The following BTK variants were observed in gnomAD, a reference collection of about 807,000 sequenced individuals.
BTK encodes the protein tyrosine-protein kinase BTK.
Under a neutral mutation model 57.4 loss-of-function variants are expected in BTK, and 5 were observed. The ratio of observed to expected loss-of-function variants is 0.09; its 90% CI spans 0.05 to 0.18. The LOEUF is 0.18. Ranked by LOEUF, BTK falls within the 10% of genes least tolerant of loss-of-function variation. The pLI is 1.00. For synonymous variants in BTK, 154 were observed against 174.3 expected (o/e 0.88, Z 0.92); for missense variants, 194 against 501.2 (o/e 0.39, Z 5.85).
intron 16 of BTK, 41 bp downstream of exon 16, chrX:101,354,589 A>G: frequency 8.5e-7 from 1 of 1,183,163 alleles, no homozygotes; most frequent in Non-Finnish European, 1.2e-6. Flanking sequence ...ATACTGTGCT[A>G]TTTTTACTTC....
At chrX:101,363,904 T>C (rs1384857243) in intron 5 of BTK, among the ~76,000 whole-genome samples, 1 of 96,012 alleles carries the variant, frequency 1.0e-5, no homozygotes, top group Non-Finnish European at 2.1e-5. Flanking sequence ...ATTATTATTA[T>C]TATTATTATT....
chrX:101,382,881 G>A (rs184044719), intron 1 of BTK, among the ~76,000 whole-genome samples: 72 of 110,856 alleles, frequency 6.5e-4, no homozygotes, highest in Middle Eastern at 4.6e-3. Flanking sequence ...AATAACACAC[G>A]CAGCTGGGTG....
intron 3 of BTK, 87 bp from the exon 4 acceptor site, chrX:101,371,788 C>A: frequency 1.3e-6 from 1 of 790,670 alleles, no homozygotes; most frequent in Non-Finnish European, 1.9e-6. Context: ...TTTGCTGTGG[C>A]TTCAGAAGTT....
At chrX:101,379,330 T>C (rs1927333976) in intron 1 of BTK, among the ~76,000 whole-genome samples, 1 of 111,490 alleles carries the variant, frequency 9.0e-6, no homozygotes, top group Admixed American at 9.5e-5. Flanking sequence ...ATCCAAGAAG[T>C]AGTGTTTTCT....
rs1926693519 is a variant in BTK at position 101,362,200 on chromosome X, A to G, written c.561T>C (p.Pro187=). ...GGTCCTCCTCAGGCGTTGGGGGAAG[A>G]GGCTTTTTTGTCTTCCGGTGAGAAC... is the stretch of plus-strand genomic sequence containing the variant. ...PGSSHRKTKK[P]LPPTPEEDQI... is the part of the protein sequence containing the mutation. The change falls in exon 7 of 19, where the codon CCT becomes CCC. Residue 187 remains proline, a synonymous_variant. Transcript: ENST00000308731. 2 of 1,211,990 alleles carry G rather than the reference A, an allele frequency of 1.7e-6. No homozygotes were observed. Among genetic ancestry groups the G allele is most frequent in the Non-Finnish European group, 1.1e-6 (1 of 895,559 alleles).
intron 3 of BTK, among the ~76,000 whole-genome samples, chrX:101,373,325 T>TG (rs1479028383): frequency 4.5e-5 from 5 of 112,107 alleles, no homozygotes; most frequent in African/African-American, 1.6e-4. Flanking sequence ...GTATGCAAGA[T>TG]TGTTCCTCTC....
At chrX:101,381,600 A>G (rs1426303797) in intron 1 of BTK, among the ~76,000 whole-genome samples, 1 of 108,464 alleles carries the variant, frequency 9.2e-6, no homozygotes, top group African/African-American at 3.4e-5. Context: ...TATGTACTCC[A>G]AAATCTTAGT....
intron 1 of BTK, among the ~76,000 whole-genome samples, chrX:101,379,498 C>G (rs1377481514): frequency 8.9e-6 from 1 of 112,367 alleles, no homozygotes; most frequent in Non-Finnish European, 1.9e-5. Flanking sequence ...TCACAACAAA[C>G]AGATGAGGAA....
At chrX:101,390,068 A>G (rs1487352316), upstream of BTK, among the ~76,000 whole-genome samples, 1 of 112,057 alleles carries the variant, frequency 8.9e-6, no homozygotes, top group African/African-American at 3.2e-5. Context: ...TTCACTAAAT[A>G]CCGTTGACAT....
chrX:101,361,652 C>T (rs782557186), intron 7 of BTK, among the ~76,000 whole-genome samples: 10 of 111,667 alleles, frequency 9.0e-5, no homozygotes, highest in South Asian at 3.7e-4. Context: ...CGGTGGCTCA[C>T]GCCTGTAATC....
At chrX:101,361,371 C>G (rs1192463781) in intron 7 of BTK, among the ~76,000 whole-genome samples, 4 of 111,136 alleles carry the variant, frequency 3.6e-5, no homozygotes, top group African/African-American at 1.3e-4. Flanking sequence ...GGTCAGGAAA[C>G]CGGCTTGGCA....
At chrX:101,389,647 C>T (rs1927723918), upstream of BTK, among the ~76,000 whole-genome samples, 6 of 111,484 alleles carry the variant, frequency 5.4e-5, no homozygotes, top group South Asian at 2.3e-3. Context: ...CTGCCACCTC[C>T]TCCTGTGTCT....
intron 1 of BTK, among the ~76,000 whole-genome samples, chrX:101,382,311 T>TTTTTTTTATTTATTTATTTA (rs1555981882): frequency 7.7e-5 from 8 of 104,426 alleles, no homozygotes; most frequent in African/African-American, 2.9e-4. Context: ...GCAGTTCATG[T>TTTTTTTTATTTATTTATTTA]TTTATTTATT....
intron 5 of BTK, among the ~76,000 whole-genome samples, chrX:101,368,864 C>T (rs781898743): frequency 8.9e-6 from 1 of 112,116 alleles, no homozygotes; most frequent in African/African-American, 3.2e-5. Flanking sequence ...AGGGAGTGTA[C>T]AAGGCTGGTA....
intron 10 of BTK, 65 bp downstream of exon 10, chrX:101,359,227 AG>A (rs1204115982): frequency 8.9e-7 from 1 of 1,126,587 alleles, no homozygotes; most frequent in Non-Finnish European, 1.2e-6. Context: ...GGGGCAGAAC[AG>A]GCCCTCAGTT....
chrX:101,359,449 C>T (rs782091763), intron 9 of BTK, 102 bp from the exon 10 acceptor site: 8 of 797,552 alleles, frequency 1.0e-5, no homozygotes, highest in Non-Finnish European at 1.5e-5. Flanking sequence ...AGTCAACTCA[C>T]TCAAACCCTA....
At chrX:101,385,809 G>A (rs1043280901) in intron 1 of BTK, among the ~76,000 whole-genome samples, 1 of 111,410 alleles carries the variant, frequency 9.0e-6, no homozygotes, top group African/African-American at 3.3e-5. Context: ...CTACCTGTTC[G>A]GATGGTCACC....
chrX:101,354,819 C>A, intron 15 of BTK, 125 bp from the exon 16 acceptor site: 1 of 655,831 alleles, frequency 1.5e-6, no homozygotes, highest in Non-Finnish European at 2.5e-6. Context: ...GACACCTTCC[C>A]ACCTAATAGG....
chrX:101,386,411 T>G (rs782380750), upstream of BTK, among the ~76,000 whole-genome samples: 4 of 110,624 alleles, frequency 3.6e-5, no homozygotes, highest in East Asian at 8.5e-4. Context: ...CTGGGGCCAC[T>G]GAGACTCTAG....
Sources: gnomAD v4.1 joint callset for allele counts (sites outside exome capture counted in the v4.1 genomes callset) on GRCh38, gnomAD v4.1.1 for gene constraint, MANE v1.5 for transcripts, NCBI Gene and HGNC (gene_info 2026-07-23, HGNC 2026-07-21) for gene names.